DLC1: variants seen among roughly 807,000 people sequenced by gnomAD.
The protein encoded by DLC1 is rho GTPase-activating protein 7.
A neutral mutation model predicts 140.3 loss-of-function variants in DLC1; 54 were observed. The observed-to-expected ratio is 0.38, with a 90% confidence interval of 0.31 to 0.48. DLC1 has a LOEUF of 0.48. Among genes scored for constraint, DLC1 ranks in the 20% least tolerant of loss-of-function variants. The pLI is 0.96. For missense variants in DLC1, 2,536 were observed against 1,907.0 expected, an observed-to-expected ratio of 1.33 and a Z score of -6.14; for synonymous variants, 986 against 728.1, an observed-to-expected ratio of 1.35 and a Z score of -5.70.
chr8:13,223,852 G>A (rs1447670701), intron 5 of DLC1, among the ~76,000 whole-genome samples: 1 of 152,076 alleles, frequency 6.6e-6, no homozygotes, highest in Non-Finnish European at 1.5e-5. Context: ...TGGTTAATAT[G>A]TTTCACTAAA....
intron 1 of DLC1, among the ~76,000 whole-genome samples, chr8:13,602,055 A>G (rs966204683): frequency 1.2e-4 from 18 of 151,854 alleles, no homozygotes; most frequent in Admixed American, 8.6e-4. Flanking sequence ...AAGGCCAGCT[A>G]TAAAGTACCC....
chr8:13,395,484 C>T (rs570469786), intron 3 of DLC1, among the ~76,000 whole-genome samples: 1 of 152,136 alleles, frequency 6.6e-6, no homozygotes, highest in Non-Finnish European at 1.5e-5. Context: ...AGGACTTCAC[C>T]TGTCTTGTTT....
chr8:13,567,197 C>T (rs1339919056), intron 1 of DLC1: 4 of 1,551,664 alleles, frequency 2.6e-6, no homozygotes, highest in South Asian at 1.2e-5. Flanking sequence ...CAAGGAGACA[C>T]ACAATCTGAG....
chr8:13,451,196 G>C (rs949482436), intron 2 of DLC1, among the ~76,000 whole-genome samples: 1 of 151,780 alleles, frequency 6.6e-6, no homozygotes, highest in Non-Finnish European at 1.5e-5. Flanking sequence ...CCACATTAAA[G>C]TCATTTATTG....
At chr8:13,380,050 G>A (rs1836180884) in intron 4 of DLC1, among the ~76,000 whole-genome samples, 1 of 152,080 alleles carries the variant, frequency 6.6e-6, no homozygotes, top group African/African-American at 2.4e-5. Flanking sequence ...AAACCTTTCT[G>A]GCCAGGCACC....
Position 13,119,952 on chromosome 8 carries a change from G to C in DLC1, c.1349-4295C>G, listed in dbSNP as rs1371130416. Among the ~76,000 whole-genome samples, 13 of 148,080 alleles carry C rather than the reference G, an allele frequency of 8.8e-5. No homozygotes were observed. The Admixed American group carries it at 8.9e-4, about 10-fold the overall frequency. ...AACTTATAAAAAAATTTTTAAAAAT[G>C]AGATTTCTACATTCAAATGCCATAG... On this transcript the variant is annotated intron_variant, in intron 5 of 17. Coordinates refer to ENST00000276297, the MANE Select transcript of DLC1 (RefSeq NM_182643.3).
rs912202963 is a variant in DLC1, at chr8:13,084,940, G to C, written c.*871C>G. Reference sequence around the variant, plus strand: ...TTATCGTGTTCAGTTTTTATATCTCGACTTAAACAAAAAACAAAACAAAAC... The same window carrying C: ...TTATCGTGTTCAGTTTTTATATCTCCACTTAAACAAAAAACAAAACAAAAC... On this transcript the variant is annotated 3_prime_UTR_variant, in exon 18 of 18. Coordinates refer to ENST00000276297, the MANE Select transcript of DLC1 (RefSeq NM_182643.3). The C allele has an allele frequency of 6.6e-6, 1 of 152,096 alleles. No homozygotes were observed. The highest frequency in any genetic ancestry group is 1.5e-5 in the Non-Finnish European group (1 of 68,060). The allele number at this position is 152,096 out of a possible 1,614,324, so 9.4% of individuals were successfully genotyped here.
chr8:13,304,626 C>G (rs1009760295), intron 5 of DLC1: 1 of 890,702 alleles, frequency 1.1e-6, no homozygotes, highest in African/African-American at 1.8e-5. Context: ...GATAATATAC[C>G]TTTAATCTGT....
At chr8:13,280,166 T>C (rs1297548605) in intron 5 of DLC1, among the ~76,000 whole-genome samples, 1 of 149,470 alleles carries the variant, frequency 6.7e-6, no homozygotes, top group Non-Finnish European at 1.5e-5. Flanking sequence ...CAGGTACCTA[T>C]AGTCCCAGCT....
At chr8:13,197,537 G>C (rs1827139302) in intron 5 of DLC1, among the ~76,000 whole-genome samples, 1 of 151,720 alleles carries the variant, frequency 6.6e-6, no homozygotes, top group Non-Finnish European at 1.5e-5. Context: ...TAGTAGAGAT[G>C]GGGTTTCACC....
chr8:13,183,294 G>A (rs923322158), intron 5 of DLC1, among the ~76,000 whole-genome samples: 1 of 152,138 alleles, frequency 6.6e-6, no homozygotes, highest in Non-Finnish European at 1.5e-5. Flanking sequence ...TTCCCTAATT[G>A]AATACCCTTT....
At chr8:13,116,776 G>A (rs976977662) in intron 5 of DLC1, among the ~76,000 whole-genome samples, 5 of 152,022 alleles carry the variant, frequency 3.3e-5, no homozygotes, top group African/African-American at 1.2e-4. Context: ...ATGAACACAG[G>A]AAAGAGAAAA....
intron 4 of DLC1, among the ~76,000 whole-genome samples, chr8:13,308,265 C>T (rs1234093212): frequency 6.6e-6 from 1 of 152,184 alleles, no homozygotes; most frequent in East Asian, 1.9e-4. Flanking sequence ...AATGTCACCA[C>T]ACTCTGCATG....
At chr8:13,313,956 C>T (rs558119391) in intron 4 of DLC1, among the ~76,000 whole-genome samples, 24 of 152,120 alleles carry the variant, frequency 1.6e-4, no homozygotes, top group African/African-American at 5.8e-4. Context: ...CTTGGGTCTC[C>T]AAACAGAGGA....
At chr8:13,584,122 T>C (rs1192882924) in intron 1 of DLC1, 1 of 153,136 alleles carries the variant, frequency 6.5e-6, no homozygotes, top group African/African-American at 2.4e-5. Context: ...GTTGGTACTG[T>C]TCTATTGCAT....
intron 2 of DLC1, among the ~76,000 whole-genome samples, chr8:13,493,507 G>T (rs888128306): frequency 3.3e-5 from 5 of 152,132 alleles, no homozygotes; most frequent in Non-Finnish European, 7.4e-5. Context: ...TCAGATCTGG[G>T]TAATTAGAAG....
At chr8:13,295,942 G>GTTTTTTTTTTT (rs71207138) in intron 5 of DLC1, among the ~76,000 whole-genome samples, 7 of 72,870 alleles carry the variant, frequency 9.6e-5, no homozygotes, top group Admixed American at 2.0e-4. Flanking sequence ...AAGATTCTTT[G>GTTTTTTTTTTT]TTTTTTTTTT....
At chr8:13,461,153 T>C (rs1207841083) in intron 2 of DLC1, among the ~76,000 whole-genome samples, 2 of 152,196 alleles carry the variant, frequency 1.3e-5, no homozygotes, top group Non-Finnish European at 2.9e-5. Context: ...AAGGCTGCAG[T>C]GAGCTATGAT....
intron 5 of DLC1, among the ~76,000 whole-genome samples, chr8:13,204,137 A>T (rs894119858): frequency 2.0e-5 from 3 of 152,172 alleles, no homozygotes; most frequent in Non-Finnish European, 4.4e-5. Context: ...GTTAAGGAAA[A>T]TATTACTGTC....
Sources: gnomAD v4.1 joint callset for allele counts (sites outside exome capture counted in the v4.1 genomes callset) on GRCh38, gnomAD v4.1.1 for gene constraint, MANE v1.5 for transcripts, NCBI Gene and HGNC (gene_info 2026-07-23, HGNC 2026-07-21) for gene names.